Variants in STIM1 observed in about 807,000 individuals in gnomAD.
STIM1 encodes the protein stromal interaction molecule 1.
In STIM1, 25 loss-of-function variants were observed where a neutral mutation model predicts 74.7. The observed-to-expected ratio is 0.33, with a 90% CI of 0.24 to 0.47. The LOEUF (loss-of-function observed/expected upper bound fraction) is 0.47, where lower values mean the gene tolerates loss of function less well. Among genes scored for constraint, STIM1 ranks in the 20% least tolerant of loss-of-function variants. The pLI, the probability that STIM1 is intolerant of heterozygous loss-of-function variation, is 1.00. For missense variants in STIM1, 728 were observed against 920.8 expected (o/e 0.79, Z 2.71); for synonymous variants, 328 against 348.8 (o/e 0.94, Z 0.66).
chr11:4,090,916 T>C (rs985154481), intron 12 of STIM1, among the ~76,000 whole-genome samples: 1 of 152,124 alleles, frequency 6.6e-6, no homozygotes, highest in Non-Finnish European at 1.5e-5. Context: ...TATCTGTTTC[T>C]TCCCTCCCTA....
intron 2 of STIM1, among the ~76,000 whole-genome samples, chr11:4,006,730 A>C (rs1168283079): frequency 1.3e-5 from 2 of 152,126 alleles, no homozygotes; most frequent in African/African-American, 4.8e-5. Flanking sequence ...ATTTCTTTAT[A>C]GCAATGTAAT....
At chr11:4,064,293 G>A (rs1565164853) in intron 5 of STIM1, among the ~76,000 whole-genome samples, 1 of 152,192 alleles carries the variant, frequency 6.6e-6, no homozygotes, top group East Asian at 1.9e-4. Flanking sequence ...CCTGCTGGGT[G>A]TTTACAAAAA....
At chr11:3,960,221 G>C (rs191072850) in intron 1 of STIM1, among the ~76,000 whole-genome samples, 4 of 152,172 alleles carry the variant, frequency 2.6e-5, no homozygotes, top group Non-Finnish European at 1.5e-5. Flanking sequence ...TGGTTATTCA[G>C]TATTTGGCAG....
chr11:3,998,976 A>G (rs1455262587), intron 2 of STIM1, among the ~76,000 whole-genome samples: 1 of 152,134 alleles, frequency 6.6e-6, no homozygotes, highest in Non-Finnish European at 1.5e-5. Flanking sequence ...CAAATACTCA[A>G]CTCTGTCTTT....
rs113897235 is a variant in STIM1, at chr11:3,856,655, A to C, written c.139+246A>C. Among the ~76,000 whole-genome samples, 1,170 of 152,330 alleles carry C rather than the reference A, an allele frequency of 7.7e-3. 20 individuals carry two copies. Among genetic ancestry groups the C allele is most frequent in the African/African-American group, 0.027 (1,128 of 41,556 alleles). ...GATTTTTTTTGTTGGCAGTAAGAAG[A>C]AGCCTTTGGGGCAACTTGACCTTTT... On this transcript the variant is annotated intron_variant, in intron 1 of 12. Coordinates refer to ENST00000526596, the MANE Select transcript of STIM1 (RefSeq NM_001382567.1).
At chr11:3,911,031 G>A (rs1390304912) in intron 1 of STIM1, among the ~76,000 whole-genome samples, 1 of 152,024 alleles carries the variant, frequency 6.6e-6, no homozygotes, top group Non-Finnish European at 1.5e-5. Context: ...AAATCTACAA[G>A]TCTCATCCTG....
At chr11:4,024,220 C>G (rs1340281308) in intron 3 of STIM1, among the ~76,000 whole-genome samples, 1 of 152,124 alleles carries the variant, frequency 6.6e-6, no homozygotes, top group East Asian at 1.9e-4. Context: ...GAATTCTATC[C>G]TATTCCTACC....
chr11:3,928,227 ATTT>A (rs373423422), intron 1 of STIM1, among the ~76,000 whole-genome samples: 4 of 140,656 alleles, frequency 2.8e-5, no homozygotes, highest in South Asian at 2.3e-4. Context: ...GTAACAGTCC[ATTT>A]TTTTTTTTTT....
At chr11:3,932,783 G>A (rs1200481877) in intron 1 of STIM1, among the ~76,000 whole-genome samples, 3 of 151,928 alleles carry the variant, frequency 2.0e-5, no homozygotes, top group Admixed American at 6.6e-5. Flanking sequence ...GCGGGCCCTC[G>A]CCAGACACTG....
intron 1 of STIM1, among the ~76,000 whole-genome samples, chr11:3,939,585 C>T (rs2092979519): frequency 6.6e-6 from 1 of 152,064 alleles, no homozygotes; most frequent in Non-Finnish European, 1.5e-5. Context: ...CTCCCAATAC[C>T]TTGTGATATA....
intron 1 of STIM1, among the ~76,000 whole-genome samples, chr11:3,915,592 T>A (rs578044327): frequency 5.3e-5 from 8 of 151,830 alleles, no homozygotes; most frequent in African/African-American, 1.9e-4. Context: ...AGAGACGGGG[T>A]TTCACGGTGT....
chr11:3,976,433 T>A (rs2093449315), intron 2 of STIM1, among the ~76,000 whole-genome samples: 1 of 152,142 alleles, frequency 6.6e-6, no homozygotes, highest in Non-Finnish European at 1.5e-5. Flanking sequence ...TTTTTGGGAG[T>A]AATGGCCTAA....
intron 1 of STIM1, among the ~76,000 whole-genome samples, chr11:3,956,823 C>CA (rs78285130): frequency 0.052 from 1,971 of 38,088 alleles, 277 homozygotes; most frequent in Non-Finnish European, 0.083. Flanking sequence ...ACCCTGTCTC[C>CA]AAAAAAAAAA....
At chr11:3,883,055 G>A (rs2091576391) in intron 1 of STIM1, among the ~76,000 whole-genome samples, 1 of 151,582 alleles carries the variant, frequency 6.6e-6, no homozygotes, top group South Asian at 2.1e-4. Flanking sequence ...TATATATTCT[G>A]GATACTAGAC....
At chr11:3,891,904 A>G (rs1240472268) in intron 1 of STIM1, among the ~76,000 whole-genome samples, 4 of 152,230 alleles carry the variant, frequency 2.6e-5, no homozygotes, top group Non-Finnish European at 4.4e-5. Flanking sequence ...AGCCATAGAT[A>G]ATATTTAAAT....
intron 3 of STIM1, among the ~76,000 whole-genome samples, chr11:4,043,190 G>T (rs1007299532): frequency 6.6e-6 from 1 of 152,102 alleles, no homozygotes; most frequent in Non-Finnish European, 1.5e-5. Flanking sequence ...CAGGGGTTTG[G>T]CAGTCTTTAA....
At chr11:4,022,544 G>T (rs1237345390) in intron 2 of STIM1, among the ~76,000 whole-genome samples, 1 of 151,752 alleles carries the variant, frequency 6.6e-6, no homozygotes, top group Non-Finnish European at 1.5e-5. Context: ...TCCTTGTCTC[G>T]TTCCAGATTT....
In STIM1 at chr11:4,072,250, A is replaced by G. The variant is rs147794158; in HGVS notation, c.791+2047A>G. Among the ~76,000 whole-genome samples, 1,011 of 152,208 alleles carry G rather than the reference A, an allele frequency of 6.6e-3. 6 individuals are homozygous for G. The highest frequency in any genetic ancestry group is 0.011 in the Non-Finnish European group (740 of 68,010). On this transcript the variant is annotated intron_variant, in intron 6 of 12. Transcript: ENST00000526596. ...GAGATAGGCTTGCACACATGCACAC[A>G]TATATCCTCCTCTGAGTGTCCAGAG...
intron 3 of STIM1, among the ~76,000 whole-genome samples, chr11:4,025,505 A>C (rs1388437283): frequency 6.6e-6 from 1 of 152,094 alleles, no homozygotes; most frequent in Non-Finnish European, 1.5e-5. Flanking sequence ...GAACTATACC[A>C]GCGGTGCCAG....
Sources: gnomAD v4.1 joint callset for allele counts (sites outside exome capture counted in the v4.1 genomes callset) on GRCh38, gnomAD v4.1.1 for gene constraint, MANE v1.5 for transcripts, NCBI Gene and HGNC (gene_info 2026-07-23, HGNC 2026-07-21) for gene names.